Variants in LPIN1 observed in about 807,000 individuals in gnomAD.
The protein encoded by LPIN1 is lipin 1.
LPIN1 carries 71 observed loss-of-function variants against 107.5 expected under a neutral mutation model. That is an observed-to-expected ratio of 0.66 (90% CI 0.55 to 0.80). The LOEUF (loss-of-function observed/expected upper bound fraction) is 0.80. Among genes scored for constraint, LPIN1 ranks in the 30% least tolerant of loss-of-function variants. LPIN1 has a pLI of 0.00. For synonymous variants in LPIN1, 445 were observed against 452.6 expected (o/e 0.98, Z 0.21); for missense variants, 1,043 against 1,160.6 (o/e 0.90, Z 1.47).
At chr2:11,728,272 A>G (rs1664858306) in intron 1 of LPIN1, among the ~76,000 whole-genome samples, 1 of 152,224 alleles carries the variant, frequency 6.6e-6, no homozygotes, top group Non-Finnish European at 1.5e-5. Flanking sequence ...TGTAGACATT[A>G]TACAGCTGGG....
At chr2:11,760,719 G>A (rs1246179786) in intron 1 of LPIN1, among the ~76,000 whole-genome samples, 1 of 152,088 alleles carries the variant, frequency 6.6e-6, no homozygotes, top group Admixed American at 6.5e-5. Context: ...TGGGGAGGGG[G>A]AGGGGGAGGT....
Position 11,707,265 on chromosome 2 carries a change from C to T in LPIN1, c.82-6491C>T, listed in dbSNP as rs1203313741. On this transcript the variant is annotated intron_variant, in intron 1 of 21. Transcript: ENST00000449576. This position sits in a 1 kb window ranked among gnomAD's most constrained non-coding sequence, Gnocchi z 4.2. The stretch of plus-strand genomic sequence containing the variant: ...GATGATCAGATGGACCAAGGAAGTT[C>T]CTTCCAGGAAGGGTCACTGGAACAG... Among the ~76,000 whole-genome samples the T allele has an allele frequency of 6.6e-6, 1 of 152,178 alleles. No homozygotes were observed. Among genetic ancestry groups the T allele is most frequent in the East Asian group, 1.9e-4 (1 of 5,202 alleles).
chr2:11,774,243 T>C lies in LPIN1; in HGVS notation c.722+498T>C, dbSNP rs1336785907. Among the ~76,000 whole-genome samples the C allele has an allele frequency of 6.6e-6, 1 of 152,220 alleles. No homozygotes were observed. The highest frequency in any genetic ancestry group is 1.5e-5 in the Non-Finnish European group (1 of 68,030). On this transcript the variant is annotated intron_variant, in intron 5 of 20. Transcript: ENST00000674199. This position sits in a 1 kb window ranked among gnomAD's most constrained non-coding sequence, Gnocchi z 4.4. The stretch of plus-strand genomic sequence containing the variant: ...AACTTGGAGAACTAGAGCTGCTCAC[T>C]GTGCAGATGCCATCCTGATGACCCC...
chr2:11,780,747 CTG>C (rs1445646766), intron 7 of LPIN1, among the ~76,000 whole-genome samples: 3 of 152,210 alleles, frequency 2.0e-5, no homozygotes, highest in Non-Finnish European at 4.4e-5. Context: ...ATCTGTAAAA[CTG>C]TGAGAAAATG....
At chr2:11,805,045 T>C (rs1431677922) in intron 16 of LPIN1, 25 bp from the exon 17 acceptor site, 2 of 1,466,262 alleles carry the variant, frequency 1.4e-6, no homozygotes, top group East Asian at 4.5e-5. Flanking sequence ...TTTTACTTTA[T>C]TTTTCTCTTT....
At chr2:11,788,171 C>T (rs912308248) in intron 11 of LPIN1, among the ~76,000 whole-genome samples, 11 of 152,148 alleles carry the variant, frequency 7.2e-5, no homozygotes, top group African/African-American at 2.4e-4. Context: ...CCTGCTGGCA[C>T]GGCTGCTGCT....
upstream of LPIN1, among the ~76,000 whole-genome samples, chr2:11,744,788 T>G (rs997416470): frequency 3.9e-5 from 6 of 152,178 alleles, no homozygotes; most frequent in Admixed American, 1.3e-4. Flanking sequence ...TTCTGGGGCC[T>G]TGCAACCTCA....
At chr2:11,749,735 G>A (rs964843233) in intron 1 of LPIN1, among the ~76,000 whole-genome samples, 1 of 152,232 alleles carries the variant, frequency 6.6e-6, no homozygotes, top group Non-Finnish European at 1.5e-5. Context: ...CCCACTCCCA[G>A]CTGAGAGGTT....
At chr2:11,689,531 C>A (rs1222636211) in intron 1 of LPIN1, among the ~76,000 whole-genome samples, 1 of 152,124 alleles carries the variant, frequency 6.6e-6, no homozygotes, top group Non-Finnish European at 1.5e-5. Flanking sequence ...ATTTTTCTAT[C>A]CTCTTTTCTG....
rs187611522 is a variant in LPIN1 at position 11,701,433 on chromosome 2, G to A, written c.82-12323G>A. Among the ~76,000 whole-genome samples, 204 of 152,268 alleles carry A rather than the reference G, an allele frequency of 1.3e-3. 2 individuals carry two copies. Among genetic ancestry groups the A allele is most frequent in the African/African-American group, 3.9e-3 (160 of 41,552 alleles). On this transcript the variant is annotated intron_variant, in intron 1 of 21. Coordinates refer to the LPIN1 transcript ENST00000449576. The stretch of plus-strand genomic sequence containing the variant: ...ACTGGACTTGCCTAATCCAGTCCCT[G>A]CTGGTCTCTCTGCTCTGAACCGTGA...
At chr2:11,819,670 C>A (rs1325329341) in intron 19 of LPIN1, 72 bp downstream of exon 19, 4 of 1,113,806 alleles carry the variant, frequency 3.6e-6, no homozygotes, top group Non-Finnish European at 5.5e-6. Flanking sequence ...TCTGAAAGCC[C>A]TATCCGAGAA....
chr2:11,706,102 G>T (rs1284671380), intron 1 of LPIN1, among the ~76,000 whole-genome samples: 1 of 152,210 alleles, frequency 6.6e-6, no homozygotes, highest in Non-Finnish European at 1.5e-5. Flanking sequence ...CAACATGATT[G>T]TGAGGCCTCC....
chr2:11,767,528 T>C lies in LPIN1; in HGVS notation c.193-235T>C. On this transcript the variant is annotated intron_variant, in intron 2 of 20. Coordinates refer to ENST00000674199, the MANE Select transcript of LPIN1 (RefSeq NM_001349206.2). ...AACTGCAGTTATTTTTGCACCAACG[T>C]ACTGTTTTGGGTTCCATCTTTCCTG... is the stretch of plus-strand genomic sequence containing the variant. 3 of 558,502 alleles carry C rather than the reference T, an allele frequency of 5.4e-6. No individual in the cohort carries two copies. The South Asian group carries it at 6.3e-5, about 12-fold the overall frequency. The allele number at this position is 558,502 out of a possible 1,614,324, so 34.6% of individuals were successfully genotyped here.
At chr2:11,805,267 C>A in intron 17 of LPIN1, 111 bp downstream of exon 17, 1 of 863,234 alleles carries the variant, frequency 1.2e-6, no homozygotes, top group Non-Finnish European at 1.9e-6. Flanking sequence ...GAGAGGGCTG[C>A]ACCTCAACCA....
intron 1 of LPIN1, among the ~76,000 whole-genome samples, chr2:11,701,843 G>T (rs1045790008): frequency 6.6e-6 from 1 of 152,192 alleles, no homozygotes; most frequent in African/African-American, 2.4e-5. Context: ...TGTAGCCGGG[G>T]CTGCCATGTC....
At chr2:11,724,474 G>T (rs1664398787) in exon 1 of LPIN1, 1 of 985,878 alleles carries the variant, frequency 1.0e-6, no homozygotes, top group African/African-American at 1.7e-5. Flanking sequence ...CAGCCACCCA[G>T]CAGTGGCCCA....
At chr2:11,822,906 G>T (rs954969558) in intron 20 of LPIN1, among the ~76,000 whole-genome samples, 1 of 152,172 alleles carries the variant, frequency 6.6e-6, no homozygotes, top group African/African-American at 2.4e-5. Flanking sequence ...CCCATGGCTT[G>T]GCCTAGGGTG....
At chr2:11,695,904 C>T (rs1662549064) in intron 1 of LPIN1, among the ~76,000 whole-genome samples, 1 of 152,026 alleles carries the variant, frequency 6.6e-6, no homozygotes, top group Non-Finnish European at 1.5e-5. Flanking sequence ...ATTTTTTTGA[C>T]CACTATAAAT....
At position 11,804,499 on chromosome 2, in the gene LPIN1, G is replaced by C. The variant is rs1477453517; in HGVS notation, c.2090G>C (p.Cys697Ser). 3 of 1,614,090 alleles carry C rather than the reference G, an allele frequency of 1.9e-6. No homozygotes were observed. Among genetic ancestry groups the C allele is most frequent in the Non-Finnish European group, 2.5e-6 (3 of 1,180,040 alleles). The change falls in exon 16 of 21, where the codon TGT (cysteine) becomes TCT (serine). Residue 697 changes from cysteine (C) to serine (S), a missense_variant. Physicochemically the swap from Cys to Ser is moderately radical, Grantham distance 112. Transcript: ENST00000674199. ...VTTQYQGTCR[C>S]EGTIYLWNWD... is the part of the protein sequence containing the mutation. ...ACGCAGTACCAAGGCACGTGCCGCTGTGAGGGCACCATCTATCTGTGGAAC... is the reference window on the plus strand; with the variant it reads ...ACGCAGTACCAAGGCACGTGCCGCTCTGAGGGCACCATCTATCTGTGGAAC...
Sources: allele counts gnomAD v4.1 joint callset (sites outside exome capture counted in the v4.1 genomes callset), GRCh38; gene constraint gnomAD v4.1.1; non-coding constraint Gnocchi (gnomAD v3.1); transcripts MANE v1.5; gene names NCBI Gene and HGNC (gene_info 2026-07-23, HGNC 2026-07-21).